Variants in ADGRB3 observed in about 807,000 individuals in gnomAD.
ADGRB3 encodes brain-specific angiogenesis inhibitor 3.
ADGRB3 carries 37 observed loss-of-function variants against 193.4 expected under a neutral mutation model. The observed-to-expected ratio is 0.19, with a 90% CI of 0.15 to 0.25. ADGRB3 has a LOEUF of 0.25. Ranked by LOEUF, ADGRB3 falls within the 10% of genes least tolerant of loss-of-function variation. The pLI is 1.00. For synonymous variants in ADGRB3, 690 were observed against 644.2 expected (o/e 1.07, Z -1.08); for missense variants, 1,637 against 1,852.9 (o/e 0.88, Z 2.14).
intron 17 of ADGRB3, among the ~76,000 whole-genome samples, chr6:69,202,328 C>G (rs1417233461): frequency 1.3e-5 from 2 of 152,072 alleles, no homozygotes; most frequent in African/African-American, 4.8e-5. Flanking sequence ...AACCTCTATA[C>G]TTTTCTATAT....
At chr6:68,971,494 A>G (rs1235960928) in intron 8 of ADGRB3, among the ~76,000 whole-genome samples, 3 of 152,210 alleles carry the variant, frequency 2.0e-5, no homozygotes, top group Non-Finnish European at 4.4e-5. Context: ...TCCACATATA[A>G]GTGGACCCAT....
chr6:68,922,632 A>G (rs72904926), intron 3 of ADGRB3, among the ~76,000 whole-genome samples: 21,409 of 152,184 alleles, frequency 0.14, 1,984 homozygotes, highest in Middle Eastern at 0.22. Flanking sequence ...GTAATTTTAG[A>G]GTATAAGGAG....
At chr6:68,875,219 C>T (rs1269412305) in intron 3 of ADGRB3, among the ~76,000 whole-genome samples, 1 of 70,746 alleles carries the variant, frequency 1.4e-5, no homozygotes, top group Non-Finnish European at 2.8e-5. Context: ...CCTCTCCTTC[C>T]CCCTTCCTCT....
intron 17 of ADGRB3, among the ~76,000 whole-genome samples, chr6:69,228,323 G>A (rs1241551858): frequency 6.6e-6 from 1 of 152,200 alleles, no homozygotes; most frequent in Non-Finnish European, 1.5e-5. Flanking sequence ...GTGAGAAACA[G>A]TGTCAGGGAT....
At chr6:68,670,853 T>C (rs1282487125) in intron 3 of ADGRB3, among the ~76,000 whole-genome samples, 1 of 152,038 alleles carries the variant, frequency 6.6e-6, no homozygotes, top group African/African-American at 2.4e-5. Context: ...TTGAGTAGTA[T>C]GGACATTTTA....
At chr6:68,986,346 A>G (rs906439772) in intron 10 of ADGRB3, among the ~76,000 whole-genome samples, 2 of 152,166 alleles carry the variant, frequency 1.3e-5, no homozygotes, top group Admixed American at 1.3e-4. Context: ...TCTGAGTTCT[A>G]TGTGATACCT....
intron 17 of ADGRB3, among the ~76,000 whole-genome samples, chr6:69,094,640 G>C (rs1179183798): frequency 6.6e-6 from 1 of 152,040 alleles, no homozygotes; most frequent in Admixed American, 6.5e-5. Context: ...TACCAAATGT[G>C]TTTATTTTCT....
chr6:68,918,213 T>C (rs1400670671), intron 3 of ADGRB3, among the ~76,000 whole-genome samples: 1 of 152,180 alleles, frequency 6.6e-6, no homozygotes, highest in African/African-American at 2.4e-5. Context: ...TAATGTCTCC[T>C]GTAAAGGTTG....
chr6:68,960,060 A>T (rs1481189242), intron 8 of ADGRB3, among the ~76,000 whole-genome samples: 1 of 152,124 alleles, frequency 6.6e-6, no homozygotes, highest in Non-Finnish European at 1.5e-5. Context: ...GGACTGTCCT[A>T]AGTTTACATT....
In ADGRB3 at chr6:68,731,434, G is replaced by A. The variant is rs770404833; in HGVS notation, c.757+92002G>A. Among the ~76,000 whole-genome samples, 4 of 151,404 alleles carry A rather than the reference G, an allele frequency of 2.6e-5. No homozygotes were observed. The East Asian group carries it at 5.8e-4, about 22-fold the overall frequency. On this transcript the variant is annotated intron_variant, in intron 3 of 31. Transcript: ENST00000370598. ...AAATGTCAAAATGAGTACATAAAAA[G>A]TTACAAAAAAGCCCGTAGTTTCAAA...
intron 3 of ADGRB3, among the ~76,000 whole-genome samples, chr6:68,801,240 T>G (rs1239317707): frequency 2.0e-5 from 3 of 152,206 alleles, no homozygotes; most frequent in African/African-American, 7.2e-5. Context: ...ATGTTTCTCT[T>G]TCCTACTTAG....
intron 5 of ADGRB3, among the ~76,000 whole-genome samples, chr6:68,939,365 C>T (rs1767575032): frequency 6.6e-6 from 1 of 152,068 alleles, no homozygotes; most frequent in Admixed American, 6.6e-5. Context: ...GTGACTCAAA[C>T]CTTTTACCCT....
At chr6:68,692,063 C>T (rs1181699300) in intron 3 of ADGRB3, among the ~76,000 whole-genome samples, 1 of 151,718 alleles carries the variant, frequency 6.6e-6, no homozygotes, top group African/African-American at 2.4e-5. Flanking sequence ...CACATATATA[C>T]TCATCTGCAA....
intron 22 of ADGRB3, among the ~76,000 whole-genome samples, chr6:69,328,878 A>G (rs564965106): frequency 6.6e-6 from 1 of 152,108 alleles, no homozygotes; most frequent in Admixed American, 6.6e-5. Context: ...GTATACATCT[A>G]TTTTTGGAAA....
chr6:68,782,270 G>A (rs1766869067), intron 3 of ADGRB3, among the ~76,000 whole-genome samples: 1 of 151,584 alleles, frequency 6.6e-6, no homozygotes, highest in Non-Finnish European at 1.5e-5. Flanking sequence ...ATGGTTTCCA[G>A]CGTCATCTAT....
At chr6:69,256,422 C>T (rs916460839) in intron 20 of ADGRB3, among the ~76,000 whole-genome samples, 12 of 152,044 alleles carry the variant, frequency 7.9e-5, no homozygotes, top group Non-Finnish European at 1.6e-4. Flanking sequence ...CCTTCACGTC[C>T]CTTGTAAGGT....
rs192800989 is a variant in ADGRB3, at chr6:68,925,272, G to A, written c.758-5287G>A. On this transcript the variant is annotated intron_variant, in intron 3 of 31. Coordinates refer to ENST00000370598, the MANE Select transcript of ADGRB3 (RefSeq NM_001704.3). ...AGATACCAAAATCCTGACAATCTGG[G>A]CTGCTCTTCACTATCAAAATATCTC... 7.8e-4 allele frequency among the ~76,000 whole-genome samples: 119 copies of A among 151,908 alleles called. 1 individual carries two copies. The highest frequency in any genetic ancestry group is 1.8e-3 in the African/African-American group (74 of 41,484).
At chr6:69,142,759 G>A (rs1367816357) in intron 17 of ADGRB3, among the ~76,000 whole-genome samples, 4 of 152,192 alleles carry the variant, frequency 2.6e-5, no homozygotes, top group African/African-American at 9.7e-5. Context: ...GTTTCTCAAT[G>A]TGAATGTCTC....
At chr6:68,815,498 G>C (rs1345333745) in intron 3 of ADGRB3, among the ~76,000 whole-genome samples, 2 of 151,938 alleles carry the variant, frequency 1.3e-5, no homozygotes, top group South Asian at 2.1e-4. Flanking sequence ...ATCCCAAAGG[G>C]AGAATTTATT....
Sources: allele counts gnomAD v4.1 joint callset (sites outside exome capture counted in the v4.1 genomes callset), GRCh38; gene constraint gnomAD v4.1.1; transcripts MANE v1.5; gene names NCBI Gene and HGNC (gene_info 2026-07-23, HGNC 2026-07-21).